Variants in MYOM1 observed in about 807,000 individuals in gnomAD.
The protein encoded by MYOM1 is myomesin 1, also known as myomesin-1.
MYOM1 carries 164 observed loss-of-function variants against 205.3 expected under a neutral mutation model. That is an observed-to-expected ratio of 0.80 (90% confidence interval 0.70 to 0.91). The LOEUF is 0.91. Ranked by LOEUF, MYOM1 falls within the 40% of genes least tolerant of loss-of-function variation. The probability of loss-of-function intolerance (pLI) is 0.00; values close to 1 mark genes in which losing one functional copy is unlikely to be tolerated. For synonymous variants in MYOM1, 772 were observed against 789.4 expected, an observed-to-expected ratio of 0.98 and a Z score of 0.37; for missense variants, 2,011 against 2,127.3, an observed-to-expected ratio of 0.95 and a Z score of 1.08.
chr18:3,132,118 G>GTATATATATATATATATA (rs1555621173), intron 16 of MYOM1, among the ~76,000 whole-genome samples: 6 of 143,452 alleles, frequency 4.2e-5, no homozygotes, highest in East Asian at 2.0e-4. Flanking sequence ...ATATGTGTGT[G>GTATATATATATATATATA]TATATATATA....
chr18:3,232,331 G>C, the MYOM1 span, among the ~76,000 whole-genome samples: 4 of 143,838 alleles, frequency 2.8e-5, no homozygotes, highest in African/African-American at 1.0e-4. Flanking sequence ...CTCCATCATG[G>C]AAAAAAAAAA....
At position 3,215,158 on chromosome 18, in the gene MYOM1, C is replaced by G. The variant is rs1662316; in HGVS notation, c.66G>C (p.Val22=). The G allele has an allele frequency of 0.097, 156,133 of 1,613,430 alleles. 7,946 individuals carry two copies. The highest frequency in any genetic ancestry group is 0.18 in the East Asian group (8,166 of 44,830). ...HYDLSYRNKD[V]RSTVSHYQRE... ...GCTGGTAGTGACTCACGGTGCTGCG[C>G]ACGTCCTTGTTGCGGTAGCTGAGAT... Residue 22 remains valine, a synonymous_variant, in exon 2 of 38, where the codon GTG becomes GTC. Transcript: ENST00000356443.
At chr18:3,169,166 A>G (rs536687583) in intron 8 of MYOM1, among the ~76,000 whole-genome samples, 185 bp from the exon 9 acceptor site, 1 of 152,324 alleles carries the variant, frequency 6.6e-6, no homozygotes, top group African/African-American at 2.4e-5. Context: ...TATCATTTGT[A>G]TGGAAATTCT....
At chr18:3,099,959 A>C (rs972824623) in intron 25 of MYOM1, among the ~76,000 whole-genome samples, 200 bp downstream of exon 25, 1 of 152,188 alleles carries the variant, frequency 6.6e-6, no homozygotes, top group African/African-American at 2.4e-5. Context: ...CTATGTTAGT[A>C]TCCTTGGTAT....
Position 3,116,420 on chromosome 18 carries a change from C to G in MYOM1, c.3214G>C (p.Gly1072Arg). 1 of 1,613,760 alleles carries G rather than the reference C, an allele frequency of 6.2e-7. No homozygotes were observed. Among genetic ancestry groups the G allele is most frequent in the Non-Finnish European group, 8.5e-7 (1 of 1,179,820 alleles). ...PVHSGRTPVT[G>R]YFVDLKEAKA... is the part of the protein sequence containing the mutation. ...GCCTCCTTCAAGTCCACGAAGTAAC[C>G]AGTGACCGGAGTCCGCCCGGAGTGG... The change falls in exon 21 of 38, where the codon GGT becomes CGT. Residue 1072 changes from glycine to arginine, a missense_variant. By Grantham distance (125) the Gly-to-Arg change is moderately radical. Transcript: ENST00000356443.
chr18:3,207,678 A>G (rs1201746765), intron 2 of MYOM1, among the ~76,000 whole-genome samples: 1 of 152,136 alleles, frequency 6.6e-6, no homozygotes, highest in Non-Finnish European at 1.5e-5. Context: ...GTTACACCCC[A>G]CTACCTGGCC....
At position 3,209,502 on chromosome 18, in the gene MYOM1, T is replaced by C. The variant is rs946666845; in HGVS notation, c.290+5432A>G. 1.3e-5 allele frequency among the ~76,000 whole-genome samples: 2 copies of C among 152,184 alleles called. No homozygotes were observed. The highest frequency in any genetic ancestry group is 6.5e-5 in the Admixed American group (1 of 15,282). ...AACTGTCATGGATTCCTTCTTTAAC[T>C]CAGAATATCAACTCCCTTCAATGGC... On this transcript the variant is annotated intron_variant, in intron 2 of 37. Coordinates refer to ENST00000356443, the MANE Select transcript of MYOM1 (RefSeq NM_003803.4). This position sits in a 1 kb window ranked among gnomAD's most constrained non-coding sequence, Gnocchi z 4.0.
chr18:3,083,047 T>C (rs1274351948), intron 33 of MYOM1, among the ~76,000 whole-genome samples: 1 of 152,172 alleles, frequency 6.6e-6, no homozygotes, highest in African/African-American at 2.4e-5. Context: ...AGACCACAGA[T>C]GTGTTAACCG....
the MYOM1 span, among the ~76,000 whole-genome samples, chr18:3,229,976 C>CAAAAAAAAAA: frequency 1.3e-5 from 1 of 79,062 alleles, no homozygotes; most frequent in African/African-American, 5.2e-5. Context: ...AACTCCATCT[C>CAAAAAAAAAA]AAAAAAAAAA....
the MYOM1 span, among the ~76,000 whole-genome samples, chr18:3,233,913 C>A: frequency 6.8e-4 from 104 of 152,338 alleles, no homozygotes; most frequent in African/African-American, 2.5e-3. Flanking sequence ...TTAACACAGT[C>A]ATTCTTATCA....
chr18:3,195,858 C>G (rs201828650), intron 2 of MYOM1, among the ~76,000 whole-genome samples: 1 of 148,276 alleles, frequency 6.7e-6, no homozygotes, highest in Middle Eastern at 3.5e-3. Flanking sequence ...TTTTTTTTTT[C>G]TTTATGTCCT....
the MYOM1 span, among the ~76,000 whole-genome samples, chr18:3,238,345 C>G: frequency 6.6e-6 from 1 of 152,066 alleles, no homozygotes; most frequent in Non-Finnish European, 1.5e-5. Flanking sequence ...GTTGTAAGTA[C>G]AGACAAAGCA....
intron 11 of MYOM1, among the ~76,000 whole-genome samples, chr18:3,154,427 T>G (rs923458431): frequency 2.2e-4 from 33 of 152,068 alleles, no homozygotes; most frequent in African/African-American, 7.7e-4. Context: ...GAGGCCATCT[T>G]GGAAATGAAA....
intron 33 of MYOM1, among the ~76,000 whole-genome samples, chr18:3,080,166 G>A (rs1002224590): frequency 3.3e-5 from 5 of 152,070 alleles, no homozygotes; most frequent in Admixed American, 6.6e-5. Context: ...ACGTTAAAAA[G>A]TGGTATATAA....
rs528727781 is a variant in MYOM1, at chr18:3,213,819, A to G, written c.290+1115T>C. ...TAATTGAAGCAGAGAAGCAACCTCA[A>G]TTCCCACTTCTGGTGAGAAGTCCCA... On this transcript the variant is annotated intron_variant, in intron 2 of 37. Transcript: ENST00000356443. Among the ~76,000 whole-genome samples the G allele has an allele frequency of 1.9e-4, 29 of 152,328 alleles. No individual in the cohort carries two copies. In the South Asian group the frequency reaches 3.1e-3, roughly 16 times the overall value.
rs1252354401 is a variant in MYOM1, at chr18:3,102,506, A to G, written c.3543T>C (p.Ser1181=). Residue 1181 remains serine (S), a synonymous_variant, in exon 23 of 38, where the codon TCT becomes TCC. Coordinates refer to ENST00000356443, the MANE Select transcript of MYOM1 (RefSeq NM_003803.4). ...WSKDYVSTED[S]PRLEVESKGN... ...CCTTGCTTTCGACTTCCAATCGTGGAGAGTCCTCAGTGGATACATAATCTT... is the reference window on the plus strand; with the variant it reads ...CCTTGCTTTCGACTTCCAATCGTGGGGAGTCCTCAGTGGATACATAATCTT... 1.7e-5 allele frequency: 28 copies of G among 1,612,782 alleles called. No individual in the cohort carries two copies. The highest frequency in any genetic ancestry group is 3.3e-4 in the Middle Eastern group (2 of 6,078).
intron 19 of MYOM1, among the ~76,000 whole-genome samples, chr18:3,122,483 T>C (rs2079709965): frequency 1.3e-5 from 2 of 152,200 alleles, no homozygotes; most frequent in Admixed American, 1.3e-4. Flanking sequence ...TAAGGCAACA[T>C]TTTAAATGAG....
rs1000805573 is a variant in MYOM1 at position 3,142,041 on chromosome 18, C to CG, written c.1922dup (p.Thr642AspfsTer7). ...TGGCCTCAGTGACAGAGAGGTCTGTCGGGGGGCCAGGCACAATACCCTCTG... is the reference window on the plus strand; with the variant it reads ...TGGCCTCAGTGACAGAGAGGTCTGTCGGGGGGGCCAGGCACAATACCCTCTG... On this transcript the variant is annotated frameshift_variant, in exon 14 of 38. Transcript: ENST00000356443. LOFTEE classifies it high-confidence loss of function. The CG allele has an allele frequency of 6.2e-7, 1 of 1,613,586 alleles. No individual in the cohort carries two copies. Among genetic ancestry groups the CG allele is most frequent in the Non-Finnish European group, 8.5e-7 (1 of 1,179,748 alleles).
rs367606643 is a variant in MYOM1 at position 3,120,039 on chromosome 18, GT to G, written c.2992-45del. 3.4e-3 allele frequency: 3,903 copies of G among 1,133,652 alleles called. 11 individuals carry two copies. Among genetic ancestry groups the G allele is most frequent in the African/African-American group, 0.021 (1,308 of 62,506 alleles). 70.2% of individuals were successfully genotyped at this position (1,133,652 alleles called of 1,614,324 possible). A position where few individuals can be genotyped will look rare whatever the true frequency, so the allele number is the denominator to read the frequency against. ...CACAGATACTGAATGTTCCAGGTTT[GT>G]TTTTTTTTTTCTACTTGTTGAGCAT... On this transcript the variant is annotated intron_variant, in intron 19 of 37. Coordinates refer to ENST00000356443, the MANE Select transcript of MYOM1 (RefSeq NM_003803.4).
Sources: allele counts gnomAD v4.1 joint callset (sites outside exome capture counted in the v4.1 genomes callset), GRCh38; gene constraint gnomAD v4.1.1; non-coding constraint Gnocchi (gnomAD v3.1); transcripts MANE v1.5; gene names NCBI Gene and HGNC (gene_info 2026-07-23, HGNC 2026-07-21).